UBE3B: variants seen among roughly 807,000 people sequenced by gnomAD.
UBE3B encodes the protein ubiquitin protein ligase E3B, also known as ubiquitin-protein ligase E3B.
A neutral mutation model predicts 132.3 loss-of-function variants in UBE3B; 80 were observed. The ratio of observed to expected loss-of-function variants is 0.60; its 90% confidence interval spans 0.50 to 0.73. The LOEUF is 0.73. Ranked by LOEUF, UBE3B falls within the 30% of genes least tolerant of loss-of-function variation. The pLI is 0.00. For missense variants in UBE3B, 1,196 were observed against 1,362.5 expected, an observed-to-expected ratio of 0.88 and a Z score of 1.92; for synonymous variants, 487 against 520.4, an observed-to-expected ratio of 0.94 and a Z score of 0.87.
intron 6 of UBE3B, among the ~76,000 whole-genome samples, chr12:109,487,641 C>G (rs1400568565): frequency 6.6e-6 from 1 of 152,196 alleles, no homozygotes; most frequent in Non-Finnish European, 1.5e-5. Context: ...TGTTTATCTG[C>G]TCTCTATGTG....
At chr12:109,503,298 T>A in intron 14 of UBE3B, 108 bp downstream of exon 14, 1 of 1,421,882 alleles carries the variant, frequency 7.0e-7, no homozygotes, top group Non-Finnish European at 9.5e-7. Context: ...AAATAGATTC[T>A]GAAGGAGGGC....
Position 109,522,023 on chromosome 12 carries a change from G to A in UBE3B, c.2364+472G>A. ...TTAAAATCTTGTGTTGTTTGAGTGA[G>A]TGCTTCCCAGCCATGGCAACAGGAC... On this transcript the variant is annotated intron_variant, in intron 21 of 27. Coordinates refer to ENST00000342494, the MANE Select transcript of UBE3B (RefSeq NM_130466.4). This position sits in a 1 kb window ranked among gnomAD's most constrained non-coding sequence, Gnocchi z 4.2. 6.6e-6 allele frequency among the ~76,000 whole-genome samples: 1 copy of A among 152,204 alleles called. No individual in the cohort carries two copies. The highest frequency in any genetic ancestry group is 2.1e-4 in the South Asian group (1 of 4,834).
the UBE3B span, among the ~76,000 whole-genome samples, chr12:109,542,285 A>G: frequency 6.6e-6 from 1 of 152,356 alleles, no homozygotes; most frequent in African/African-American, 2.4e-5. Context: ...TCAGCAGTCC[A>G]TGGGTATGGG....
At chr12:109,484,691 CTGAT>C (rs993164615) in intron 4 of UBE3B, among the ~76,000 whole-genome samples, 50 of 147,398 alleles carry the variant, frequency 3.4e-4, no homozygotes, top group African/African-American at 1.1e-3. Context: ...TACCCAGCCT[CTGAT>C]TTTTTTTTTT....
At chr12:109,532,026 G>A (rs759503614) in intron 26 of UBE3B, among the ~76,000 whole-genome samples, 2 of 152,120 alleles carry the variant, frequency 1.3e-5, no homozygotes, top group Admixed American at 6.5e-5. Context: ...ATGTGACCAC[G>A]ACCATGCTTC....
intron 19 of UBE3B, 74 bp downstream of exon 19, chr12:109,516,958 C>T: frequency 6.4e-7 from 1 of 1,563,198 alleles, no homozygotes; most frequent in Non-Finnish European, 8.7e-7. Context: ...AGTGGACGGT[C>T]TCTGGCTTTT....
At position 109,507,754 on chromosome 12, in the gene UBE3B, G is replaced by C. The variant is rs1298993171; in HGVS notation, c.1622+19G>C. The C allele has an allele frequency of 1.9e-6, 3 of 1,602,378 alleles. No individual in the cohort carries two copies. The highest frequency in any genetic ancestry group is 2.6e-6 in the Non-Finnish European group (3 of 1,173,642). ...TCATCACGTAGGTTGACTGCTGTGG[G>C]ACTGAATTCCTTTCCTAGAATATGG... is the stretch of plus-strand genomic sequence containing the variant. On this transcript the variant is annotated intron_variant, in intron 15 of 27. Transcript: ENST00000342494.
intron 24 of UBE3B, among the ~76,000 whole-genome samples, chr12:109,528,868 AAAAG>A (rs1882655796): frequency 1.3e-5 from 2 of 148,156 alleles, no homozygotes; most frequent in Admixed American, 6.7e-5. Flanking sequence ...AAAGAAAAGA[AAAAG>A]AAAAGGCCAG....
chr12:109,511,262 T>C lies in UBE3B; in HGVS notation c.1915T>C (p.Leu639=), dbSNP rs541259831. The part of the protein sequence containing the change: ...ELDRDRKRAQ[L]ILQYIPHVIP... ...CGACAGGGACAGAAAACGGGCACAGTTGATCCTGCAGTACATCCCACATGT... is the reference window on the plus strand; with the variant it reads ...CGACAGGGACAGAAAACGGGCACAGCTGATCCTGCAGTACATCCCACATGT... Residue 639 remains leucine, a synonymous_variant, in exon 18 of 28, where the codon TTG becomes CTG. Transcript: ENST00000342494. 42 of 1,614,054 alleles carry C rather than the reference T, an allele frequency of 2.6e-5. No individual in the cohort carries two copies. The highest frequency in any genetic ancestry group is 1.5e-4 in the Admixed American group (9 of 60,006).
intron 18 of UBE3B, among the ~76,000 whole-genome samples, chr12:109,513,174 G>A (rs1652218146): frequency 6.6e-6 from 1 of 152,096 alleles, no homozygotes; most frequent in South Asian, 2.1e-4. Context: ...GTGGTGTCTG[G>A]TTTAAAATGC....
Position 109,486,580 on chromosome 12 carries a change from CAAAAAA to C in UBE3B, c.447+23_447+28del, listed in dbSNP as rs201336062. 6.1e-3 allele frequency: 3,436 copies of C among 560,328 alleles called. 1 individual carries two copies. The highest frequency in any genetic ancestry group is 9.2e-3 in the Middle Eastern group (14 of 1,524). 34.7% of individuals were successfully genotyped at this position (560,328 alleles called of 1,614,324 possible). A position where few individuals can be genotyped will look rare whatever the true frequency, so the allele number is the denominator to read the frequency against. ...GATTTTCTCAAGCAGCTCAAGGTAA[CAAAAAA>C]AAAAAAAAAAAAAAAAAGCAAAACC... On this transcript the variant is annotated splice_donor_region_variant and intron_variant, in intron 6 of 27. Transcript: ENST00000342494.
chr12:109,519,076 G>C (rs1339365919), intron 19 of UBE3B, among the ~76,000 whole-genome samples: 1 of 152,220 alleles, frequency 6.6e-6, no homozygotes, highest in East Asian at 1.9e-4. Flanking sequence ...CTTCTTCCCA[G>C]AGGGTGAGTT....
chr12:109,486,725 T>C, intron 6 of UBE3B, 150 bp downstream of exon 6: 1 of 681,004 alleles, frequency 1.5e-6, no homozygotes. Flanking sequence ...ATTTTGATTC[T>C]GTTATCAATA....
At chr12:109,531,026 T>C (rs1019117293) in intron 26 of UBE3B, among the ~76,000 whole-genome samples, 6 of 152,110 alleles carry the variant, frequency 3.9e-5, no homozygotes, top group Non-Finnish European at 8.8e-5. Context: ...CTTAGGAAAA[T>C]ACAGATAAGC....
chr12:109,497,820 C>G lies in UBE3B; in HGVS notation c.716C>G (p.Pro239Arg). ...LTAAFSLALR[P>R]VIAAQFSDNL... The stretch of plus-strand genomic sequence containing the variant: ...TGAGTGGATCTATCTGTGTCTAGCC[C>G]TGTGATTGCTGCACAGTTCTCAGAC... Residue 239 changes from proline to arginine, a missense_variant and splice_region_variant, in exon 10 of 28, where the codon CCT becomes CGT. By Grantham distance (103) the Pro-to-Arg change is moderately radical. Coordinates refer to ENST00000342494, the MANE Select transcript of UBE3B (RefSeq NM_130466.4). 6.2e-7 allele frequency: 1 copy of G among 1,614,110 alleles called. No individual in the cohort carries two copies. The highest frequency in any genetic ancestry group is 8.5e-7 in the Non-Finnish European group (1 of 1,180,018).
chr12:109,482,505 A>G (rs570605529), intron 2 of UBE3B, among the ~76,000 whole-genome samples: 1 of 152,298 alleles, frequency 6.6e-6, no homozygotes, highest in South Asian at 2.1e-4. Context: ...TTTACTCTGG[A>G]TGATATTTTC....
rs895877698 is a variant in UBE3B, at chr12:109,533,516, G to C, written c.2973G>C (p.Lys991Asn). 1 of 1,614,002 alleles carries C rather than the reference G, an allele frequency of 6.2e-7. No homozygotes were observed. The highest frequency in any genetic ancestry group is 8.5e-7 in the Non-Finnish European group (1 of 1,180,022). Residue 991 changes from lysine to asparagine, a missense_variant, in exon 27 of 28, where the codon AAG (lysine) becomes AAC (asparagine). By Grantham distance (94) the Lys-to-Asn change is moderately conservative. Transcript: ENST00000342494. ...CGCTCCTGGGATTCGCCTACCTCAAGCCTCCATTCTCCATCCGCTGCGTGG... is the reference window on the plus strand; with the variant it reads ...CGCTCCTGGGATTCGCCTACCTCAACCCTCCATTCTCCATCCGCTGCGTGG... Reference protein sequence around the residue: ...RPPLLGFAYLKPPFSIRCVEV... With the variant: ...RPPLLGFAYLNPPFSIRCVEV...
chr12:109,481,816 G>C (rs574228868), intron 2 of UBE3B, 74 bp downstream of exon 2: 1 of 152,206 alleles, frequency 6.6e-6, no homozygotes, highest in Non-Finnish European at 1.5e-5. Context: ...TTCTCTCCAA[G>C]CCTTTTATAA....
intron 12 of UBE3B, 41 bp from the exon 13 acceptor site, chr12:109,501,330 A>T (rs200771801): frequency 6.2e-7 from 1 of 1,611,314 alleles, no homozygotes; most frequent in South Asian, 1.1e-5. Context: ...GCCCTGCATC[A>T]GATGGAACTG....
Sources: gnomAD v4.1 joint callset for allele counts (sites outside exome capture counted in the v4.1 genomes callset) on GRCh38, gnomAD v4.1.1 for gene constraint, Gnocchi (gnomAD v3.1) non-coding constraint, MANE v1.5 for transcripts, NCBI Gene and HGNC (gene_info 2026-07-23, HGNC 2026-07-21) for gene names.